Variants in WDR20 observed in about 807,000 individuals in gnomAD.
WDR20 encodes WD repeat domain 20.
A neutral mutation model predicts 38.7 loss-of-function variants in WDR20; 3 were observed. The ratio of observed to expected loss-of-function variants is 0.08; its 90% confidence interval spans 0.04 to 0.20. The LOEUF (loss-of-function observed/expected upper bound fraction) is 0.20, where lower values mean the gene tolerates loss of function less well. Among genes scored for constraint, WDR20 ranks in the 10% least tolerant of loss-of-function variants. The probability of loss-of-function intolerance (pLI) is 1.00; values close to 1 mark genes in which losing one functional copy is unlikely to be tolerated. For missense variants in WDR20, 559 were observed against 727.7 expected, an observed-to-expected ratio of 0.77 and a Z score of 2.67; for synonymous variants, 298 against 285.6, an observed-to-expected ratio of 1.04 and a Z score of -0.44.
At chr14:102,216,803 G>A (rs1485102729), downstream of WDR20, among the ~76,000 whole-genome samples, 1 of 152,094 alleles carries the variant, frequency 6.6e-6, no homozygotes, top group African/African-American at 2.4e-5. Context: ...GGTGGCGGGC[G>A]CCTGTAGTCC....
chr14:102,213,602 G>C, downstream of WDR20: 15 of 985,386 alleles, frequency 1.5e-5, no homozygotes, highest in Non-Finnish European at 1.7e-5. Flanking sequence ...CCGTCCGGGC[G>C]GGGCCCAGGG....
At chr14:102,139,725 G>T (rs1302068463), upstream of WDR20, 5 of 808,570 alleles carry the variant, frequency 6.2e-6, no homozygotes, top group East Asian at 5.4e-5. Context: ...GGTGGAGCAC[G>T]CCAGGTGAGC....
chr14:102,213,476 A>G (rs2062812800), downstream of WDR20: 1 of 985,332 alleles, frequency 1.0e-6, no homozygotes, highest in African/African-American at 1.7e-5. Context: ...AAATGCCTTA[A>G]AAATGGAGGC....
chr14:102,212,831 C>G, downstream of WDR20: 1 of 1,331,106 alleles, frequency 7.5e-7, no homozygotes, highest in Non-Finnish European at 9.7e-7. Flanking sequence ...TTCAGTCTTT[C>G]AGCCTAAACG....
intron 1 of WDR20, among the ~76,000 whole-genome samples, chr14:102,190,528 G>A (rs989618244): frequency 6.6e-6 from 1 of 152,172 alleles, no homozygotes; most frequent in African/African-American, 2.4e-5. Flanking sequence ...GGGAGGCAGA[G>A]GTTACAGTGA....
chr14:102,191,837 G>A (rs1212603579), intron 1 of WDR20, among the ~76,000 whole-genome samples: 3 of 152,174 alleles, frequency 2.0e-5, no homozygotes, highest in Admixed American at 6.5e-5. Context: ...CTTCTAGACA[G>A]TGCCACTCAC....
intron 1 of WDR20, among the ~76,000 whole-genome samples, chr14:102,182,882 C>T (rs767163374): frequency 6.6e-6 from 1 of 151,324 alleles, no homozygotes; most frequent in Non-Finnish European, 1.5e-5. Flanking sequence ...TTTTTTATTC[C>T]ATAAAATACA....
intron 1 of WDR20, among the ~76,000 whole-genome samples, chr14:102,183,109 G>A (rs931938980): frequency 7.9e-5 from 12 of 151,990 alleles, no homozygotes; most frequent in African/African-American, 2.7e-4. Context: ...TTTTTTTTAG[G>A]TTATTTGAGG....
downstream of WDR20, among the ~76,000 whole-genome samples, chr14:102,216,701 G>A (rs566545210): frequency 6.6e-6 from 1 of 152,288 alleles, no homozygotes; most frequent in African/African-American, 2.4e-5. Context: ...AGGCCGAGGC[G>A]GGTGGATCAC....
At chr14:102,163,215 GTC>G (rs767539099) in intron 1 of WDR20, among the ~76,000 whole-genome samples, 18 of 152,100 alleles carry the variant, frequency 1.2e-4, no homozygotes, top group Non-Finnish European at 2.4e-4. Context: ...CCAATTTCCT[GTC>G]TCTGTGTTGG....
At chr14:102,213,533 C>T (rs147420662), downstream of WDR20, 1,110 of 985,356 alleles carry the variant, frequency 1.1e-3, 13 homozygotes, top group African/African-American at 0.017. Context: ...TTCTCAAAGG[C>T]GTTCAGGAAT....
At chr14:102,169,211 A>G (rs1439556741) in intron 1 of WDR20, among the ~76,000 whole-genome samples, 1 of 151,904 alleles carries the variant, frequency 6.6e-6, no homozygotes, top group East Asian at 1.9e-4. Flanking sequence ...TCCCCTCCCC[A>G]GTGGCCATGG....
chr14:102,151,712 A>G (rs2055929403), intron 1 of WDR20, among the ~76,000 whole-genome samples: 1 of 151,006 alleles, frequency 6.6e-6, no homozygotes, highest in South Asian at 2.1e-4. Context: ...TAGAAGAGAT[A>G]TGACATGGGT....
chr14:102,213,251 C>T (rs1296409505), downstream of WDR20: 3 of 985,340 alleles, frequency 3.0e-6, no homozygotes, highest in Non-Finnish European at 3.6e-6. Flanking sequence ...TTAAAAATTC[C>T]CCCAGCGGCC....
intron 1 of WDR20, among the ~76,000 whole-genome samples, chr14:102,159,003 T>C (rs1370486861): frequency 2.0e-5 from 3 of 151,976 alleles, no homozygotes; most frequent in Non-Finnish European, 2.9e-5. Flanking sequence ...AGTGTAGTAA[T>C]GTGATCAAAG....
At chr14:102,178,084 G>A (rs908392404) in intron 1 of WDR20, among the ~76,000 whole-genome samples, 3 of 152,128 alleles carry the variant, frequency 2.0e-5, no homozygotes, top group African/African-American at 7.2e-5. Context: ...TTTGAGATCT[G>A]TATATATGGG....
intron 1 of WDR20, among the ~76,000 whole-genome samples, chr14:102,161,650 C>T (rs1366422844): frequency 6.6e-6 from 1 of 152,016 alleles, no homozygotes; most frequent in Non-Finnish European, 1.5e-5. Context: ...ACTGAAAATT[C>T]CACAGGTACA....
downstream of WDR20, chr14:102,213,354 G>T (rs1050582521): frequency 1.0e-6 from 1 of 985,324 alleles, no homozygotes; most frequent in Non-Finnish European, 1.2e-6. Flanking sequence ...TAGCCTTGGG[G>T]TCGAAATTTG....
At chr14:102,141,494 T>C (rs922942870) in intron 1 of WDR20, among the ~76,000 whole-genome samples, 1 of 152,192 alleles carries the variant, frequency 6.6e-6, no homozygotes, top group Non-Finnish European at 1.5e-5. Flanking sequence ...TGACCTTTTT[T>C]TTTTCCTCGT....
Sources: allele counts gnomAD v4.1 joint callset (sites outside exome capture counted in the v4.1 genomes callset), GRCh38; gene constraint gnomAD v4.1.1; transcripts MANE v1.5; gene names NCBI Gene and HGNC (gene_info 2026-07-23, HGNC 2026-07-21).